ANKRD36C: variants seen among roughly 807,000 people sequenced by gnomAD.
The protein encoded by ANKRD36C is ankyrin repeat domain 36C.
ANKRD36C carries 61 observed loss-of-function variants against 276.4 expected under a neutral mutation model. The ratio of observed to expected loss-of-function variants is 0.22; its 90% CI spans 0.18 to 0.27. The LOEUF (loss-of-function observed/expected upper bound fraction) is 0.27. ANKRD36C is among the 10% of genes least tolerant of loss of function. ANKRD36C has a pLI of 1.00. For missense variants in ANKRD36C, 1,447 were observed against 2,032.3 expected (o/e 0.71, Z 5.54); for synonymous variants, 483 against 680.1 (o/e 0.71, Z 4.51).
At position 95,927,295 on chromosome 2, in the gene ANKRD36C, G is replaced by T. The variant is rs369026435; in HGVS notation, c.1867-9C>A. On this transcript the variant is annotated splice_polypyrimidine_tract_variant and intron_variant, in intron 27 of 66. Transcript: ENST00000456556. ...TTCTCATCACTTGTAGCCTGAATGGGATTTGAAACAAAATAATCAATACGT... is the reference window on the plus strand; with the variant it reads ...TTCTCATCACTTGTAGCCTGAATGGTATTTGAAACAAAATAATCAATACGT... The T allele has an allele frequency of 9.3e-6, 15 of 1,609,414 alleles. No individual in the cohort carries two copies. In the South Asian group the frequency reaches 1.1e-4, roughly 12 times the overall value.
chr2:95,856,518 G>T (rs1442576034), intron 62 of ANKRD36C, among the ~76,000 whole-genome samples: 1 of 152,008 alleles, frequency 6.6e-6, no homozygotes, highest in Admixed American at 6.6e-5. Flanking sequence ...AAAAAATTGG[G>T]TTTACACTCT....
At position 95,894,118 on chromosome 2, in the gene ANKRD36C, A is replaced by G. The variant is rs186827042; in HGVS notation, c.2756-2258T>C. ...TTCTTTCATGCAACAAATCAAAAGG[A>G]TTTACACCATTATACTAAAAACATT... On this transcript the variant is annotated intron_variant, in intron 44 of 66. Coordinates refer to ENST00000456556, the Ensembl canonical transcript of ANKRD36C. 33 of 276,764 alleles carry G rather than the reference A, an allele frequency of 1.2e-4. No homozygotes were observed. The Middle Eastern group carries it at 4.9e-3, about 41-fold the overall frequency. The allele number at this position is 276,764 out of a possible 1,614,324, so 17.1% of individuals were successfully genotyped here. A position where few individuals can be genotyped will look rare whatever the true frequency, so the allele number is the denominator to read the frequency against.
intron 65 of ANKRD36C, 82 bp downstream of exon 85, chr2:95,852,044 A>G (rs1359079139): frequency 4.9e-6 from 7 of 1,416,482 alleles, no homozygotes; most frequent in African/African-American, 2.8e-5. Flanking sequence ...ACTAATTATC[A>G]TAACTGATAC....
intron 17 of ANKRD36C, among the ~76,000 whole-genome samples, chr2:95,947,925 C>A (rs908265727): frequency 5.3e-5 from 8 of 152,046 alleles, no homozygotes; most frequent in Admixed American, 1.3e-4. Flanking sequence ...ATAGGTGGGA[C>A]TACAGGCACA....
intron 42 of ANKRD36C, among the ~76,000 whole-genome samples, chr2:95,902,401 C>G (rs1303878499): frequency 6.7e-6 from 1 of 150,162 alleles, no homozygotes; most frequent in Admixed American, 6.7e-5. Flanking sequence ...AAATGACTTC[C>G]TCTTTTCACA....
At chr2:95,911,211 T>TTC (rs1180669743) in intron 42 of ANKRD36C, among the ~76,000 whole-genome samples, 1 of 151,488 alleles carries the variant, frequency 6.6e-6, no homozygotes, top group Non-Finnish European at 1.5e-5. Context: ...TCCCAAACGT[T>TTC]TCTTCATCCA....
chr2:95,933,630 C>T (rs921705470), intron 24 of ANKRD36C, among the ~76,000 whole-genome samples: 1 of 152,100 alleles, frequency 6.6e-6, no homozygotes, highest in Non-Finnish European at 1.5e-5. Context: ...GATTTTGTAT[C>T]CTGAGACTTT....
At chr2:95,978,421 T>C (rs1215941665) in intron 5 of ANKRD36C, among the ~76,000 whole-genome samples, 1 of 152,038 alleles carries the variant, frequency 6.6e-6, no homozygotes, top group African/African-American at 2.4e-5. Flanking sequence ...TCACATCAGC[T>C]TGACACAATG....
intron 40 of ANKRD36C, 81 bp downstream of exon 42, chr2:95,914,026 AG>A: frequency 3.7e-6 from 5 of 1,356,864 alleles, no homozygotes; most frequent in Non-Finnish European, 4.1e-6. Flanking sequence ...AGCTTCAACG[AG>A]CCCCCCGCTG....
chr2:95,974,204 A>G (rs1272432681), intron 6 of ANKRD36C, among the ~76,000 whole-genome samples: 4 of 152,268 alleles, frequency 2.6e-5, no homozygotes, highest in Admixed American at 2.0e-4. Flanking sequence ...CAAGTTTGAA[A>G]ATTTAAAAGA....
chr2:95,969,079 T>C (rs1190467236), intron 6 of ANKRD36C, among the ~76,000 whole-genome samples: 1 of 152,048 alleles, frequency 6.6e-6, no homozygotes, highest in African/African-American at 2.4e-5. Flanking sequence ...TCCAATCCTT[T>C]TGGGATTTTA....
intron 58 of ANKRD36C, among the ~76,000 whole-genome samples, chr2:95,879,271 A>G (rs1676022517): frequency 6.6e-6 from 1 of 152,152 alleles, no homozygotes; most frequent in Admixed American, 6.5e-5. Flanking sequence ...CATGGAGATG[A>G]AGAGAAAAAT....
At chr2:95,974,580 CA>C (rs1159517128) in intron 6 of ANKRD36C, among the ~76,000 whole-genome samples, 1 of 152,152 alleles carries the variant, frequency 6.6e-6, no homozygotes, top group Non-Finnish European at 1.5e-5. Context: ...GTATACTTAG[CA>C]TATCATCTTA....
intron 6 of ANKRD36C, among the ~76,000 whole-genome samples, chr2:95,965,821 A>C (rs1045390840): frequency 5.9e-5 from 9 of 152,164 alleles, no homozygotes; most frequent in African/African-American, 2.2e-4. Flanking sequence ...ACCAAGTTGC[A>C]GTCATTGTGT....
intron 59 of ANKRD36C, among the ~76,000 whole-genome samples, chr2:95,874,515 T>C (rs1211496184): frequency 6.6e-6 from 1 of 152,232 alleles, no homozygotes; most frequent in African/African-American, 2.4e-5. Context: ...TTACACCTTA[T>C]ACAAAAATTA....
chr2:95,947,474 C>G (rs1487639697), intron 17 of ANKRD36C, among the ~76,000 whole-genome samples: 1 of 152,010 alleles, frequency 6.6e-6, no homozygotes, highest in Non-Finnish European at 1.5e-5. Context: ...AAGATACATA[C>G]AAATAGATTT....
intron 59 of ANKRD36C, among the ~76,000 whole-genome samples, chr2:95,871,161 GACA>G (rs1214356356): frequency 6.6e-6 from 1 of 152,042 alleles, no homozygotes; most frequent in African/African-American, 2.4e-5. Flanking sequence ...AGGAAATACA[GACA>G]ACGCCACAAA....
chr2:95,888,353 C>G (rs1250958085), intron 48 of ANKRD36C, among the ~76,000 whole-genome samples: 2 of 151,534 alleles, frequency 1.3e-5, no homozygotes, highest in African/African-American at 4.8e-5. Flanking sequence ...TGTCATATGT[C>G]CAAAACTAAA....
intron 26 of ANKRD36C, among the ~76,000 whole-genome samples, chr2:95,928,505 G>A (rs1057289916): frequency 6.6e-6 from 1 of 151,486 alleles, no homozygotes; most frequent in African/African-American, 2.4e-5. Context: ...CTTCTTTTAT[G>A]CAAATATTCT....
Sources: allele counts gnomAD v4.1 joint callset (sites outside exome capture counted in the v4.1 genomes callset), GRCh38; gene constraint gnomAD v4.1.1; transcripts MANE v1.5; gene names NCBI Gene and HGNC (gene_info 2026-07-23, HGNC 2026-07-21).